ZNF783: variants seen among roughly 807,000 people sequenced by gnomAD.
The protein encoded by ZNF783 is protein ZNF783.
A neutral mutation model predicts 31.3 loss-of-function variants in ZNF783; 25 were observed. The ratio of observed to expected loss-of-function variants is 0.80; its 90% confidence interval spans 0.58 to 1.11. ZNF783 has a LOEUF of 1.11. ZNF783 is among the 50% of genes most tolerant of loss of function. The probability of loss-of-function intolerance (pLI) is 0.00; values close to 1 mark genes in which losing one functional copy is unlikely to be tolerated. For synonymous variants in ZNF783, 369 were observed against 319.1 expected, an observed-to-expected ratio of 1.16 and a Z score of -1.66; for missense variants, 797 against 760.0, an observed-to-expected ratio of 1.05 and a Z score of -0.57.
Position 149,282,294 on chromosome 7 carries a change from G to T in ZNF783, c.1592G>T (p.Arg531Leu), listed in dbSNP as rs539045489. The T allele has an allele frequency of 7.7e-6, 12 of 1,568,540 alleles. No individual in the cohort carries two copies. The East Asian group carries it at 2.5e-4, about 33-fold the overall frequency. ...CCACACTTCCCTGCCGCCCCCGCCC[G>T]CCACGGGAGCCTGCCCCTGCCCTGG... The part of the protein sequence containing the change: ...VGPHFPAAPA[R>L]HGSLPLPWPS... The change falls in exon 6 of 6, where the codon CGC (arginine) becomes CTC (leucine). Residue 531 changes from arginine (R) to leucine (L), a missense_variant. Physicochemically the swap from Arg to Leu is moderately radical, Grantham distance 102 (BLOSUM62 -2). Coordinates refer to ENST00000434415, the MANE Select transcript of ZNF783 (RefSeq NM_001195220.2).
intron 1 of ZNF783, among the ~76,000 whole-genome samples, chr7:149,264,609 T>C (rs1353471961): frequency 6.6e-6 from 1 of 152,206 alleles, no homozygotes; most frequent in Non-Finnish European, 1.5e-5. Context: ...GCTCACTGAC[T>C]CACGCCTGTA....
At position 149,266,420 on chromosome 7, in the gene ZNF783, A is replaced by C. The variant is rs370654654; in HGVS notation, c.110A>C (p.Tyr37Ser). The C allele has an allele frequency of 2.0e-5, 32 of 1,602,104 alleles. No individual in the cohort carries two copies. The highest frequency in any genetic ancestry group is 2.6e-5 in the Non-Finnish European group (31 of 1,179,762). Residue 37 changes from tyrosine to serine, a missense_variant, in exon 2 of 6, where the codon TAC becomes TCC. Tyr to Ser is a moderately radical substitution (Grantham distance 144, BLOSUM62 -2). Transcript: ENST00000434415. Reference sequence around the variant, plus strand: ...GCTGCTGAGAAGAACTCGTACCTCTACTCCACGGAAATCACACTGTGGACG... The same window carrying C: ...GCTGCTGAGAAGAACTCGTACCTCTCCTCCACGGAAATCACACTGTGGACG... ...QPAAEKNSYLYSTEITLWTVV... is the reference protein window; with the variant it reads ...QPAAEKNSYLSSTEITLWTVV...
At position 149,284,442 on chromosome 7, in the gene ZNF783, C is replaced by G. The variant is rs1485456104; in HGVS notation, c.*2099C>G. 1 of 152,370 alleles carries G rather than the reference C, an allele frequency of 6.6e-6. No individual in the cohort carries two copies. The highest frequency in any genetic ancestry group is 6.5e-5 in the Admixed American group (1 of 15,288). 9.4% of individuals were successfully genotyped at this position (152,370 alleles called of 1,614,324 possible). ...CTGCCCTTCTGTGCTGTGGATCCTG[C>G]TTGTCTGCTCTGGAGTCCCCCCACC... On this transcript the variant is annotated 3_prime_UTR_variant, in exon 6 of 6. Coordinates refer to ENST00000434415, the MANE Select transcript of ZNF783 (RefSeq NM_001195220.2).
chr7:149,278,281 C>T, intron 4 of ZNF783, 118 bp from the exon 5 acceptor site: 5 of 1,505,364 alleles, frequency 3.3e-6, no homozygotes, highest in Non-Finnish European at 4.4e-6. Flanking sequence ...CTATCATGCC[C>T]TGTGCTGGAG....
In ZNF783 at chr7:149,266,420, A is replaced by G. The variant is rs370654654; in HGVS notation, c.110A>G (p.Tyr37Cys). The G allele has an allele frequency of 4.2e-5, 68 of 1,601,988 alleles. No homozygotes were observed. Among genetic ancestry groups the G allele is most frequent in the Non-Finnish European group, 5.3e-5 (63 of 1,179,770 alleles). The change falls in exon 2 of 6, where the codon TAC (tyrosine) becomes TGC (cysteine). Residue 37 changes from tyrosine (Y) to cysteine (C), a missense_variant. Transcript: ENST00000434415. Reference protein sequence around the residue: ...QPAAEKNSYLYSTEITLWTVV... With the variant: ...QPAAEKNSYLCSTEITLWTVV... ...GCTGCTGAGAAGAACTCGTACCTCT[A>G]CTCCACGGAAATCACACTGTGGACG...
At chr7:149,264,116 A>G (rs1036501138) in intron 1 of ZNF783, among the ~76,000 whole-genome samples, 3 of 151,994 alleles carry the variant, frequency 2.0e-5, no homozygotes, top group African/African-American at 4.8e-5. Context: ...AGCCCATCCT[A>G]TCACACTGTT....
At position 149,266,870 on chromosome 7, in the gene ZNF783, G is replaced by A. The variant is rs899779290; in HGVS notation, c.472G>A (p.Gly158Ser). The stretch of plus-strand genomic sequence containing the variant: ...CGTGTATTTCTCTGAGCTGGAGTGG[G>A]GCAAGCTGGAGGACTGGCAGAAGGA... ...VAVYFSELEWGKLEDWQKELY... is the reference protein window; with the variant it reads ...VAVYFSELEWSKLEDWQKELY... The change falls in exon 3 of 6, where the codon GGC becomes AGC. Residue 158 changes from glycine (G) to serine (S), a missense_variant. Physicochemically the swap from Gly to Ser is moderately conservative, Grantham distance 56. Transcript: ENST00000434415. 45 of 1,613,982 alleles carry A rather than the reference G, an allele frequency of 2.8e-5. No homozygotes were observed. The highest frequency in any genetic ancestry group is 3.8e-5 in the Non-Finnish European group (45 of 1,180,022).
At chr7:149,279,743 G>A (rs889848698) in intron 5 of ZNF783, among the ~76,000 whole-genome samples, 2 of 151,356 alleles carry the variant, frequency 1.3e-5, no homozygotes, top group African/African-American at 4.9e-5. Flanking sequence ...GGGAAGTGGG[G>A]AAGTGGACAC....
At chr7:149,263,235 A>T (rs1250568072) in intron 1 of ZNF783, among the ~76,000 whole-genome samples, 1 of 149,902 alleles carries the variant, frequency 6.7e-6, no homozygotes, top group Non-Finnish European at 1.5e-5. Context: ...CCATTTTAAA[A>T]TTTTTTAATT....
At position 149,266,924 on chromosome 7, in the gene ZNF783, T is replaced by G; in HGVS notation, c.526T>G (p.Tyr176Asp). The G allele has an allele frequency of 6.2e-7, 1 of 1,614,110 alleles. No individual in the cohort carries two copies. Reference sequence around the variant, plus strand: ...CTACAAGCACGTGATGAGGGGCAACTACGAGACGCTGGTCTCCCTGGGTAA... The same window carrying G: ...CTACAAGCACGTGATGAGGGGCAACGACGAGACGCTGGTCTCCCTGGGTAA... ...ELYKHVMRGN[Y>D]ETLVSLDYAI... The change falls in exon 3 of 6, where the codon TAC (tyrosine) becomes GAC (aspartate). Residue 176 changes from tyrosine (Y) to aspartate (D), a missense_variant. Tyr to Asp is a radical substitution (Grantham distance 160). Transcript: ENST00000434415.
chr7:149,266,999 G>C, intron 3 of ZNF783, 54 bp downstream of exon 3: 1 of 1,613,762 alleles, frequency 6.2e-7, no homozygotes, highest in East Asian at 2.2e-5. Flanking sequence ...TCTGTGGACA[G>C]TCTGTGTCTT....
At chr7:149,267,361 C>T (rs79778261) in intron 4 of ZNF783, 139 bp downstream of exon 4, 21,369 of 1,191,378 alleles carry the variant, frequency 0.018, 798 homozygotes, top group East Asian at 0.17. Flanking sequence ...CCACTCTGTA[C>T]AAGGCCACCC....
chr7:149,279,225 C>A (rs1211773544), intron 5 of ZNF783, among the ~76,000 whole-genome samples: 1 of 152,244 alleles, frequency 6.6e-6, no homozygotes, highest in Non-Finnish European at 1.5e-5. Context: ...CTCTTTCCAG[C>A]CAGTGTGTAA....
chr7:149,282,212 A>G lies in ZNF783; in HGVS notation c.1510A>G (p.Asn504Asp). 1 of 1,599,212 alleles carries G rather than the reference A, an allele frequency of 6.3e-7. No homozygotes were observed. Among genetic ancestry groups the G allele is most frequent in the South Asian group, 1.1e-5 (1 of 91,054 alleles). ...GTGCCCCCAGTGTGGCCGGACCTTC[A>G]ACCGCAACCACCACCTGGCCGTGCA... ...YQCPQCGRTF[N>D]RNHHLAVHMQ... The change falls in exon 6 of 6, where the codon AAC (asparagine) becomes GAC (aspartate). Residue 504 changes from asparagine to aspartate, a missense_variant. Coordinates refer to ENST00000434415, the MANE Select transcript of ZNF783 (RefSeq NM_001195220.2).
intron 4 of ZNF783, among the ~76,000 whole-genome samples, chr7:149,275,205 T>C (rs1479692704): frequency 6.6e-6 from 1 of 152,200 alleles, no homozygotes; most frequent in Non-Finnish European, 1.5e-5. Flanking sequence ...GATTGTTCAC[T>C]GTTGGCATAT....
Position 149,282,558 on chromosome 7 carries a change from G to T in ZNF783, c.*215G>T, listed in dbSNP as rs3735315. ...TCTGCATTCCTGACTTCTAAAAGAT[G>T]CCTTAAGGCTTAAGGGATGCCATAT... is the stretch of plus-strand genomic sequence containing the variant. On this transcript the variant is annotated 3_prime_UTR_variant, in exon 6 of 6. Transcript: ENST00000434415. 0.51 allele frequency: 273,470 copies of T among 531,442 alleles called. 71,282 individuals are homozygous for T. The highest frequency in any genetic ancestry group is 0.57 in the African/African-American group (28,604 of 50,108). 32.9% of individuals were successfully genotyped at this position (531,442 alleles called of 1,614,324 possible). A position where few individuals can be genotyped will look rare whatever the true frequency, so the allele number is the denominator to read the frequency against.
chr7:149,266,596 T>G lies in ZNF783; in HGVS notation c.286T>G (p.Trp96Gly). 6.2e-7 allele frequency: 1 copy of G among 1,614,056 alleles called. No homozygotes were observed. The highest frequency in any genetic ancestry group is 1.1e-5 in the South Asian group (1 of 91,070). ...GTTCGGGAACCAGCTGGAGGGCAAG[T>G]GGGCCGTGCTGGGGACCTTGCTGCA... The part of the protein sequence containing the change: ...VEFGNQLEGK[W>G]AVLGTLLQEY... Residue 96 changes from tryptophan to glycine, a missense_variant, in exon 2 of 6, where the codon TGG becomes GGG. Trp to Gly is a radical substitution (Grantham distance 184). Transcript: ENST00000434415.
Position 149,282,049 on chromosome 7 carries a change from G to A in ZNF783, c.1347G>A (p.Lys449=), listed in dbSNP as rs184720939. 264 of 1,593,706 alleles carry A rather than the reference G, an allele frequency of 1.7e-4. No individual in the cohort carries two copies. The African/African-American group carries it at 2.9e-3, about 18-fold the overall frequency. The part of the protein sequence containing the change: ...SECLRFFQQR[K]SLLLHQRLHT... ...GCCTGCGCTTCTTCCAGCAGCGCAA[G>A]AGCCTGCTGCTGCACCAGCGCCTGC... Residue 449 remains lysine (K), a synonymous_variant, in exon 6 of 6, where the codon AAG becomes AAA. Transcript: ENST00000434415.
chr7:149,271,382 A>G (rs1797206694), intron 4 of ZNF783, among the ~76,000 whole-genome samples: 1 of 152,248 alleles, frequency 6.6e-6, no homozygotes. Flanking sequence ...ATTTCAAAAC[A>G]GTGAAGCCAT....
Sources: allele counts gnomAD v4.1 joint callset (sites outside exome capture counted in the v4.1 genomes callset), GRCh38; gene constraint gnomAD v4.1.1; transcripts MANE v1.5; gene names NCBI Gene and HGNC (gene_info 2026-07-23, HGNC 2026-07-21).